The following STRN variants were observed in gnomAD, a reference collection of about 807,000 sequenced individuals.
STRN encodes striatin, also known as protein phosphatase 2 regulatory subunit B'''alpha.
STRN carries 53 observed loss-of-function variants against 96.3 expected under a neutral mutation model. The ratio of observed to expected loss-of-function variants is 0.55; its 90% CI spans 0.44 to 0.69. The LOEUF (loss-of-function observed/expected upper bound fraction) is 0.69. STRN is among the 30% of genes least tolerant of loss of function. The pLI is 0.00. For synonymous variants in STRN, 428 were observed against 355.9 expected, an observed-to-expected ratio of 1.20 and a Z score of -2.28; for missense variants, 987 against 963.9, an observed-to-expected ratio of 1.02 and a Z score of -0.32.
intron 6 of STRN, among the ~76,000 whole-genome samples, chr2:36,897,255 T>C (rs190376875): frequency 2.4e-4 from 36 of 152,236 alleles, no homozygotes; most frequent in Admixed American, 1.3e-4. Flanking sequence ...GCTTTTCCTA[T>C]AGAATGCAGT....
intron 1 of STRN, among the ~76,000 whole-genome samples, chr2:36,949,031 G>A (rs2148265110): frequency 6.6e-6 from 1 of 152,282 alleles, no homozygotes; most frequent in East Asian, 1.9e-4. Context: ...ACATGATGGT[G>A]GTCCCATAAC....
intron 1 of STRN, among the ~76,000 whole-genome samples, chr2:36,946,103 A>G (rs1022252546): frequency 1.3e-5 from 2 of 152,134 alleles, no homozygotes; most frequent in Non-Finnish European, 2.9e-5. Flanking sequence ...AATACTAGAA[A>G]AAGAGAGGTA....
chr2:36,910,009 C>G (rs1033228474), intron 3 of STRN, among the ~76,000 whole-genome samples: 1 of 151,954 alleles, frequency 6.6e-6, no homozygotes, highest in Non-Finnish European at 1.5e-5. Context: ...CCCATTTCTA[C>G]TAAAAATACA....
intron 8 of STRN, among the ~76,000 whole-genome samples, chr2:36,886,400 T>C (rs1572648293): frequency 1.3e-5 from 2 of 152,150 alleles, no homozygotes; most frequent in East Asian, 3.8e-4. Context: ...AAAACATTGT[T>C]ATAATTAAGC....
chr2:36,844,169 G>A lies in STRN; in HGVS notation c.*5287C>T, dbSNP rs1480515070. 6.6e-6 allele frequency: 1 copy of A among 152,096 alleles called. No homozygotes were observed. Among genetic ancestry groups the A allele is most frequent in the Non-Finnish European group, 1.5e-5 (1 of 68,004 alleles). The allele number at this position is 152,096 out of a possible 1,614,324, so 9.4% of individuals were successfully genotyped here. A position where few individuals can be genotyped will look rare whatever the true frequency, so the allele number is the denominator to read the frequency against. ...AAAAAGGTATTAGATCATAGAGTTG[G>A]GATTAGGGTAGGGGATACCTATTAA... On this transcript the variant is annotated 3_prime_UTR_variant, in exon 18 of 18. Transcript: ENST00000263918.
chr2:36,924,355 C>CAA (rs143310395), intron 2 of STRN, among the ~76,000 whole-genome samples: 49,580 of 102,868 alleles, frequency 0.48, 10,971 homozygotes, highest in East Asian at 0.7. Context: ...GACTCCGTTT[C>CAA]AAAAAAAAAA....
intron 1 of STRN, among the ~76,000 whole-genome samples, chr2:36,948,230 T>G (rs978826314): frequency 6.6e-6 from 1 of 151,370 alleles, no homozygotes; most frequent in African/African-American, 2.4e-5. Flanking sequence ...GCCACCTGAG[T>G]AGCTGGGATT....
intron 1 of STRN, among the ~76,000 whole-genome samples, chr2:36,946,745 C>G (rs1043606549): frequency 6.6e-6 from 1 of 152,068 alleles, no homozygotes; most frequent in Admixed American, 6.5e-5. Flanking sequence ...TTTCTTCTAA[C>G]GTAAAATTTA....
intron 1 of STRN, among the ~76,000 whole-genome samples, chr2:36,950,213 G>GT (rs745506504): frequency 0.26 from 28,068 of 109,102 alleles, 4,604 homozygotes; most frequent in Non-Finnish European, 0.29. Flanking sequence ...GTTTGGTTTT[G>GT]TTTTTTTTTT....
intron 1 of STRN, among the ~76,000 whole-genome samples, chr2:36,945,477 C>T (rs1670956556): frequency 1.3e-5 from 2 of 152,130 alleles, no homozygotes; most frequent in Non-Finnish European, 2.9e-5. Context: ...ACCAGCCTGG[C>T]TAACGTAGTG....
intron 3 of STRN, among the ~76,000 whole-genome samples, chr2:36,910,242 T>C (rs920247065): frequency 2.0e-5 from 3 of 150,288 alleles, no homozygotes; most frequent in African/African-American, 4.9e-5. Flanking sequence ...TTGCATTCCA[T>C]ATTACAAGAC....
intron 3 of STRN, among the ~76,000 whole-genome samples, chr2:36,912,253 C>T (rs572070097): frequency 5.5e-4 from 84 of 152,240 alleles, no homozygotes; most frequent in Middle Eastern, 3.4e-3. Context: ...TGAGAGTGTG[C>T]GCGCGCGCAC....
intron 4 of STRN, 189 bp from the exon 5 acceptor site, chr2:36,902,940 C>A (rs573868658): frequency 2.7e-6 from 1 of 376,664 alleles, no homozygotes; most frequent in East Asian, 4.0e-5. Flanking sequence ...GTACCAGCCT[C>A]TACAGTCACT....
At chr2:36,895,597 A>G (rs1311620652) in intron 6 of STRN, among the ~76,000 whole-genome samples, 1 of 151,876 alleles carries the variant, frequency 6.6e-6, no homozygotes, top group Non-Finnish European at 1.5e-5. Context: ...AATTTTCCCT[A>G]GGTAGCCAGA....
chr2:36,843,756 A>G lies in STRN; in HGVS notation c.*5700T>C, dbSNP rs910935506. The G allele has an allele frequency of 6.6e-6, 1 of 152,190 alleles. No homozygotes were observed. The highest frequency in any genetic ancestry group is 1.5e-5 in the Non-Finnish European group (1 of 68,048). The allele number at this position is 152,190 out of a possible 1,614,324, so 9.4% of individuals were successfully genotyped here. A position where few individuals can be genotyped will look rare whatever the true frequency, so the allele number is the denominator to read the frequency against. On this transcript the variant is annotated 3_prime_UTR_variant, in exon 18 of 18. Transcript: ENST00000263918. ...CTGTAAAGCCACAGCTAGATCCCAA[A>G]TCTGACAAATATTCCAATTCATGAG...
chr2:36,903,199 G>A (rs142350580), intron 4 of STRN, among the ~76,000 whole-genome samples: 120 of 152,084 alleles, frequency 7.9e-4, no homozygotes, highest in African/African-American at 2.6e-3. Context: ...GTTATTTCTC[G>A]AGTCACTCTA....
At chr2:36,952,389 C>G (rs763623740) in intron 1 of STRN, among the ~76,000 whole-genome samples, 31 of 150,690 alleles carry the variant, frequency 2.1e-4, no homozygotes, top group Admixed American at 3.3e-4. Flanking sequence ...TAGAAATTCA[C>G]CAGGCAAACA....
intron 10 of STRN, among the ~76,000 whole-genome samples, chr2:36,875,965 T>A (rs1024676410): frequency 2.2e-5 from 3 of 138,232 alleles, no homozygotes; most frequent in Non-Finnish European, 4.6e-5. Context: ...TTACAAATGA[T>A]TTTTTTTAAA....
chr2:36,861,691 A>C (rs1250676712), intron 12 of STRN, among the ~76,000 whole-genome samples: 1 of 151,288 alleles, frequency 6.6e-6, no homozygotes, highest in Admixed American at 6.6e-5. Flanking sequence ...ACATTCCTTA[A>C]ACAGAAACAG....
Sources: allele counts gnomAD v4.1 joint callset (sites outside exome capture counted in the v4.1 genomes callset), GRCh38; gene constraint gnomAD v4.1.1; transcripts MANE v1.5; gene names NCBI Gene and HGNC (gene_info 2026-07-23, HGNC 2026-07-21).